Variants in SEC23B observed in about 807,000 individuals in gnomAD.
SEC23B encodes the protein protein transport protein Sec23B.
In SEC23B, 77 loss-of-function variants were observed where a neutral mutation model predicts 104.3. The ratio of observed to expected loss-of-function variants is 0.74; its 90% CI spans 0.61 to 0.89. SEC23B has a LOEUF of 0.89. SEC23B is among the 40% of genes least tolerant of loss of function. SEC23B has a pLI of 0.00. For synonymous variants in SEC23B, 338 were observed against 332.5 expected, an observed-to-expected ratio of 1.02 and a Z score of -0.18; for missense variants, 885 against 949.4, an observed-to-expected ratio of 0.93 and a Z score of 0.89.
At chr20:18,545,226 C>A (rs889962777) in intron 14 of SEC23B, among the ~76,000 whole-genome samples, 5 of 151,974 alleles carry the variant, frequency 3.3e-5, no homozygotes, top group African/African-American at 1.2e-4. Flanking sequence ...CAAGAACTAA[C>A]CCCCAAGGAG....
intron 4 of SEC23B, among the ~76,000 whole-genome samples, chr20:18,522,502 C>T (rs1030647350): frequency 1.3e-5 from 2 of 152,120 alleles, no homozygotes; most frequent in Non-Finnish European, 2.9e-5. Flanking sequence ...GACCACTTAC[C>T]CGATTTGAAA....
chr20:18,528,695 G>A (rs2060155856), intron 9 of SEC23B, among the ~76,000 whole-genome samples: 1 of 152,230 alleles, frequency 6.6e-6, no homozygotes. Context: ...AAATGATACT[G>A]ATGTAGCTAT....
At chr20:18,557,970 C>G (rs367947687) in intron 19 of SEC23B, among the ~76,000 whole-genome samples, 1 of 151,834 alleles carries the variant, frequency 6.6e-6, no homozygotes, top group African/African-American at 2.4e-5. Context: ...AGGCTGGTCT[C>G]GAACTCCTGA....
chr20:18,550,401 C>T (rs186849097), intron 16 of SEC23B, among the ~76,000 whole-genome samples: 1 of 152,090 alleles, frequency 6.6e-6, no homozygotes, highest in Non-Finnish European at 1.5e-5. Context: ...AAGTGATCTG[C>T]CTGCCTTGGC....
At chr20:18,510,709 T>C in intron 1 of SEC23B, 113 bp from the exon 2 acceptor site, 1 of 824,846 alleles carries the variant, frequency 1.2e-6, no homozygotes, top group Admixed American at 2.0e-5. Flanking sequence ...GAGGCTGCAG[T>C]GAGCTGAGAT....
In SEC23B at chr20:18,554,407, C is replaced by A; in HGVS notation, c.2148+17C>A. Reference sequence around the variant, plus strand: ...GGCAGTCAGGTGAGTGAGCTGAGTTCTAACTCCAGTGGTTTGTTCGTTTTA... The same window carrying A: ...GGCAGTCAGGTGAGTGAGCTGAGTTATAACTCCAGTGGTTTGTTCGTTTTA... On this transcript the variant is annotated intron_variant, in intron 18 of 19. Coordinates refer to ENST00000650089, the MANE Select transcript of SEC23B (RefSeq NM_006363.6). 6.2e-7 allele frequency: 1 copy of A among 1,614,114 alleles called. No homozygotes were observed. Among genetic ancestry groups the A allele is most frequent in the African/African-American group, 1.3e-5 (1 of 75,058 alleles).
chr20:18,524,696 G>T, intron 5 of SEC23B, 27 bp downstream of exon 5: 1 of 1,579,070 alleles, frequency 6.3e-7, no homozygotes, highest in Non-Finnish European at 8.7e-7. Flanking sequence ...TACAGGAGCA[G>T]AAACAAGGAC....
At chr20:18,537,300 T>C (rs865798024) in intron 12 of SEC23B, among the ~76,000 whole-genome samples, 9 of 152,088 alleles carry the variant, frequency 5.9e-5, no homozygotes, top group South Asian at 4.2e-4. Flanking sequence ...CGTATGTTTA[T>C]TGTGGCTCTA....
chr20:18,539,598 A>G (rs1438773524), intron 12 of SEC23B, among the ~76,000 whole-genome samples: 6 of 150,384 alleles, frequency 4.0e-5, no homozygotes, highest in Non-Finnish European at 8.9e-5. Context: ...TGGCCTCCCA[A>G]AGTGCTGGGA....
chr20:18,541,394 G>C (rs909421664), intron 12 of SEC23B, among the ~76,000 whole-genome samples: 2 of 152,218 alleles, frequency 1.3e-5, no homozygotes, highest in Admixed American at 1.3e-4. Context: ...GGCAGTTTTG[G>C]GGCAAAAGGC....
intron 12 of SEC23B, among the ~76,000 whole-genome samples, chr20:18,537,183 G>A (rs1270674446): frequency 3.3e-5 from 5 of 151,448 alleles, no homozygotes; most frequent in South Asian, 2.1e-4. Context: ...TCAGTGTGGC[G>A]ATTCCTCAGG....
chr20:18,542,905 T>G, intron 13 of SEC23B, 114 bp from the exon 14 acceptor site: 1 of 1,352,556 alleles, frequency 7.4e-7, no homozygotes, highest in Non-Finnish European at 1.1e-6. Context: ...TCCCAAAGTG[T>G]TGGGATTTCA....
chr20:18,553,817 G>C (rs2060410167), intron 17 of SEC23B, among the ~76,000 whole-genome samples: 1 of 152,194 alleles, frequency 6.6e-6, no homozygotes, highest in African/African-American at 2.4e-5. Flanking sequence ...TAATATGTGT[G>C]CCGTTAGGAA....
At chr20:18,558,613 G>T (rs1228657074) in intron 19 of SEC23B, among the ~76,000 whole-genome samples, 2 of 152,062 alleles carry the variant, frequency 1.3e-5, no homozygotes. Flanking sequence ...GTTCATTTGG[G>T]TAACTTCTAT....
intron 13 of SEC23B, 37 bp from the exon 14 acceptor site, chr20:18,542,982 C>T: frequency 3.1e-6 from 5 of 1,613,780 alleles, no homozygotes; most frequent in Non-Finnish European, 4.2e-6. Context: ...CTGATCTCTC[C>T]TAAACATAAG....
chr20:18,520,876 A>G (rs965500786), intron 4 of SEC23B, among the ~76,000 whole-genome samples: 1 of 151,474 alleles, frequency 6.6e-6, no homozygotes, highest in Non-Finnish European at 1.5e-5. Context: ...CACTAAGCTG[A>G]GAAGATCTGG....
intron 19 of SEC23B, among the ~76,000 whole-genome samples, chr20:18,559,527 T>TG (rs1346933539): frequency 2.6e-5 from 4 of 152,180 alleles, no homozygotes; most frequent in South Asian, 4.1e-4. Context: ...AAATTGTAGC[T>TG]GCCCACCCAG....
At chr20:18,539,557 C>G (rs2060269383) in intron 12 of SEC23B, among the ~76,000 whole-genome samples, 1 of 149,574 alleles carries the variant, frequency 6.7e-6, no homozygotes. Context: ...GTTGCCCAGA[C>G]TGGTCTCAAA....
intron 4 of SEC23B, among the ~76,000 whole-genome samples, chr20:18,521,281 T>A (rs919197855): frequency 6.6e-6 from 1 of 152,136 alleles, no homozygotes; most frequent in Admixed American, 6.5e-5. Context: ...TGGAATCTAA[T>A]TTTTGGAGCT....
Sources: allele counts gnomAD v4.1 joint callset (sites outside exome capture counted in the v4.1 genomes callset), GRCh38; gene constraint gnomAD v4.1.1; transcripts MANE v1.5; gene names NCBI Gene and HGNC (gene_info 2026-07-23, HGNC 2026-07-21).